DIP2C: variants seen among roughly 807,000 people sequenced by gnomAD.
The protein encoded by DIP2C is DIP2 acetate--CoA ligase C (putative).
In DIP2C, 33 loss-of-function variants were observed where a neutral mutation model predicts 192.4. That is an observed-to-expected ratio of 0.17 (90% confidence interval 0.13 to 0.23). DIP2C has a LOEUF of 0.23. DIP2C is among the 10% of genes least tolerant of loss of function. The pLI is 1.00. For synonymous variants in DIP2C, 979 were observed against 864.1 expected (o/e 1.13, Z -2.33); for missense variants, 1,537 against 2,110.1 (o/e 0.73, Z 5.32).
intron 1 of DIP2C, among the ~76,000 whole-genome samples, chr10:614,557 CT>C (rs531969440): frequency 2.0e-4 from 31 of 152,210 alleles, no homozygotes; most frequent in Non-Finnish European, 4.6e-4. Flanking sequence ...TGCAAGAGAA[CT>C]GCCTGCTGAA....
At chr10:314,552 C>G (rs1956696389) in intron 31 of DIP2C, among the ~76,000 whole-genome samples, 1 of 152,242 alleles carries the variant, frequency 6.6e-6, no homozygotes, top group Admixed American at 6.5e-5. Flanking sequence ...CACCCAGCAG[C>G]TGGACGCCGT....
chr10:605,681 G>T (rs987663290), intron 1 of DIP2C, among the ~76,000 whole-genome samples: 3 of 152,126 alleles, frequency 2.0e-5, no homozygotes, highest in Admixed American at 2.0e-4. Context: ...CTTAGATATT[G>T]ATCTCCCTCA....
chr10:422,258 G>C (rs762183967), intron 5 of DIP2C, among the ~76,000 whole-genome samples: 1 of 152,282 alleles, frequency 6.6e-6, no homozygotes, highest in Admixed American at 6.5e-5. Flanking sequence ...GCCCATCACC[G>C]CTCCCCACGT....
chr10:583,643 G>C (rs1049077964), intron 1 of DIP2C, among the ~76,000 whole-genome samples: 1 of 152,204 alleles, frequency 6.6e-6, no homozygotes, highest in Non-Finnish European at 1.5e-5. Context: ...TGCTGAAACC[G>C]ATCTGTGCAC....
chr10:389,975 G>C lies in DIP2C; in HGVS notation c.1597+16C>G. ...TTAGAACCAGGGTCCCAAGGAGTCA[G>C]GGTCTGGCACCCCACCTTCCGTGTA... On this transcript the variant is annotated intron_variant, in intron 13 of 36. Transcript: ENST00000280886. 6.2e-7 allele frequency: 1 copy of C among 1,605,282 alleles called. No homozygotes were observed. Among genetic ancestry groups the C allele is most frequent in the Non-Finnish European group, 8.5e-7 (1 of 1,174,854 alleles).
At chr10:540,494 C>A (rs1847920189) in intron 1 of DIP2C, among the ~76,000 whole-genome samples, 1 of 152,204 alleles carries the variant, frequency 6.6e-6, no homozygotes, top group Admixed American at 6.5e-5. Flanking sequence ...CTTGAGTCCT[C>A]TTCTCCTTGC....
intron 31 of DIP2C, among the ~76,000 whole-genome samples, chr10:319,985 T>G (rs1956936791): frequency 6.6e-6 from 1 of 152,218 alleles, no homozygotes; most frequent in African/African-American, 2.4e-5. Context: ...CCAGCGTGAA[T>G]GACTCTTAAG....
chr10:581,240 AAC>A (rs955320035), intron 1 of DIP2C, among the ~76,000 whole-genome samples: 4 of 152,106 alleles, frequency 2.6e-5, no homozygotes, highest in African/African-American at 7.2e-5. Flanking sequence ...CTGGGGAAAA[AAC>A]AACAAAAACA....
chr10:287,298 T>C (rs1039119869), intron 33 of DIP2C, among the ~76,000 whole-genome samples: 3 of 152,166 alleles, frequency 2.0e-5, no homozygotes, highest in Non-Finnish European at 4.4e-5. Flanking sequence ...ATTCCACTGA[T>C]ACCACTTATA....
chr10:345,008 G>C lies in DIP2C; in HGVS notation c.3334C>G (p.Leu1112Val), dbSNP rs1188480416. 6.2e-7 allele frequency: 1 copy of C among 1,612,474 alleles called. No homozygotes were observed. Residue 1112 changes from leucine to valine, a missense_variant, in exon 27 of 37, where the codon CTG becomes GTG. Leu to Val is a conservative substitution (Grantham distance 32, BLOSUM62 1). Transcript: ENST00000280886. ...CAGCTAAAGCACCAACCTGTGTCCA[G>C]GATGAGGGGCCACGTCCTGACGTCC... ...AVDVRTWPLI[L>V]DTDDLPKKRP...
rs182870085 is a variant in DIP2C at position 313,508 on chromosome 10, G to A, written c.3925-3416C>T. ...GCACCTGAACAGGCACAGACTTGTT[G>A]TCATAATTCTCTGAATGATACAGTA... is the stretch of plus-strand genomic sequence containing the variant. On this transcript the variant is annotated intron_variant, in intron 31 of 36. Transcript: ENST00000280886. Among the ~76,000 whole-genome samples the A allele has an allele frequency of 8.5e-5, 13 of 152,154 alleles. No homozygotes were observed. In the East Asian group the frequency reaches 1.7e-3, roughly 20 times the overall value.
intron 1 of DIP2C, among the ~76,000 whole-genome samples, chr10:560,500 A>G (rs984426326): frequency 1.3e-5 from 2 of 152,230 alleles, no homozygotes; most frequent in African/African-American, 4.8e-5. Flanking sequence ...CGCGGCAGTG[A>G]ACACGTGAAT....
chr10:348,695 G>A lies in DIP2C; in HGVS notation c.3177C>T (p.Pro1059=), dbSNP rs1002426793. The A allele has an allele frequency of 4.3e-6, 7 of 1,613,874 alleles. No individual in the cohort carries two copies. The African/African-American group carries it at 8.0e-5, about 18-fold the overall frequency. Reference sequence around the variant, plus strand: ...TCGTCGCGATGTTCTGTGGGTGCGGGGGACGGACGGTTATTGGCACACAGC... The same window carrying A: ...TCGTCGCGATGTTCTGTGGGTGCGGAGGACGGACGGTTATTGGCACACAGC... ...YAGCVPITVR[P]PHPQNIATTL... is the part of the protein sequence containing the mutation. Residue 1059 remains proline, a synonymous_variant, in exon 26 of 37, where the codon CCC becomes CCT. Coordinates refer to ENST00000280886, the MANE Select transcript of DIP2C (RefSeq NM_014974.3).
rs189247534 is a variant in DIP2C, at chr10:484,696, G to A, written c.157+1763C>T. On this transcript the variant is annotated intron_variant, in intron 2 of 36. Coordinates refer to ENST00000280886, the MANE Select transcript of DIP2C (RefSeq NM_014974.3). ...AGGCCCCCAAGGCCACACCCTACAC[G>A]TCTGTACGGGATGGCACTCGGCGGG... The A allele has an allele frequency of 2.8e-4, 427 of 1,499,590 alleles. 3 individuals carry two copies. The highest frequency in any genetic ancestry group is 2.7e-3 in the South Asian group (207 of 76,984). 92.9% of individuals were successfully genotyped at this position (1,499,590 alleles called of 1,614,324 possible).
chr10:414,733 G>GTATATATATATATATA (rs1485973532), intron 7 of DIP2C, among the ~76,000 whole-genome samples: 3 of 58,260 alleles, frequency 5.1e-5, no homozygotes, highest in African/African-American at 1.2e-4. Flanking sequence ...GTGTGTGTGT[G>GTATATATATATATATA]TGTGTGTACA....
At chr10:568,765 C>CAAAAAAAAAAAAAAAAAAAAAA (rs1206501677) in intron 1 of DIP2C, among the ~76,000 whole-genome samples, 1 of 37,862 alleles carries the variant, frequency 2.6e-5, no homozygotes, top group Non-Finnish European at 4.7e-5. Flanking sequence ...AACTCCGTCT[C>CAAAAAAAAAAAAAAAAAAAAAA]AAAAAAAAAA....
chr10:443,511 G>T (rs561946017), intron 3 of DIP2C, among the ~76,000 whole-genome samples: 2 of 152,196 alleles, frequency 1.3e-5, no homozygotes, highest in South Asian at 4.2e-4. Flanking sequence ...TGTCACTGGG[G>T]GTCTCTGCTG....
intron 1 of DIP2C, among the ~76,000 whole-genome samples, chr10:492,922 C>T (rs1844548656): frequency 6.6e-6 from 1 of 152,214 alleles, no homozygotes; most frequent in Non-Finnish European, 1.5e-5. Flanking sequence ...AAATAAGCTT[C>T]TGATGTTAAA....
At chr10:378,086 A>G (rs954749269) in intron 17 of DIP2C, among the ~76,000 whole-genome samples, 8 of 152,122 alleles carry the variant, frequency 5.3e-5, no homozygotes, top group Non-Finnish European at 1.0e-4. Flanking sequence ...TCGCCTTGCA[A>G]TTTGTCCTTT....
Sources: gnomAD v4.1 joint callset for allele counts (sites outside exome capture counted in the v4.1 genomes callset) on GRCh38, gnomAD v4.1.1 for gene constraint, MANE v1.5 for transcripts, NCBI Gene and HGNC (gene_info 2026-07-23, HGNC 2026-07-21) for gene names.